The following UNC13C variants were observed in gnomAD, a reference collection of about 807,000 sequenced individuals.
UNC13C encodes protein unc-13 homolog C.
In UNC13C, 174 loss-of-function variants were observed where a neutral mutation model predicts 245.4. The ratio of observed to expected loss-of-function variants is 0.71; its 90% CI spans 0.63 to 0.80. UNC13C has a LOEUF of 0.80. UNC13C is among the 30% of genes least tolerant of loss of function. The probability of loss-of-function intolerance (pLI) is 0.00; values close to 1 mark genes in which losing one functional copy is unlikely to be tolerated. For missense variants in UNC13C, 2,829 were observed against 2,602.9 expected (o/e 1.09, Z -1.89); for synonymous variants, 992 against 895.1 (o/e 1.11, Z -1.93).
At chr15:54,511,304 T>C (rs1402830378) in intron 23 of UNC13C, among the ~76,000 whole-genome samples, 1 of 152,170 alleles carries the variant, frequency 6.6e-6, no homozygotes, top group Non-Finnish European at 1.5e-5. Flanking sequence ...ATGTGGTCTT[T>C]ACCTGCAGCC....
At chr15:54,381,869 A>G (rs2039732413) in intron 17 of UNC13C, among the ~76,000 whole-genome samples, 1 of 152,186 alleles carries the variant, frequency 6.6e-6, no homozygotes, top group African/African-American at 2.4e-5. Flanking sequence ...ATCAACAGAG[A>G]CATTGGACTT....
intron 30 of UNC13C, among the ~76,000 whole-genome samples, chr15:54,618,149 G>T (rs923985125): frequency 6.6e-6 from 1 of 152,110 alleles, no homozygotes; most frequent in Non-Finnish European, 1.5e-5. Flanking sequence ...CCAGTAAGGT[G>T]CTTATTAATC....
intron 14 of UNC13C, among the ~76,000 whole-genome samples, chr15:54,327,434 G>A (rs762428496): frequency 6.6e-6 from 1 of 151,014 alleles, no homozygotes; most frequent in Non-Finnish European, 1.5e-5. Flanking sequence ...TTTAATGGAC[G>A]CTTTAGAAGA....
chr15:54,231,555 A>T (rs910773133), intron 4 of UNC13C, among the ~76,000 whole-genome samples: 5 of 152,072 alleles, frequency 3.3e-5, no homozygotes, highest in African/African-American at 1.2e-4. Flanking sequence ...ACCTCATAAG[A>T]TTTAAAAAAA....
chr15:54,328,387 A>G (rs1472634956), intron 14 of UNC13C, among the ~76,000 whole-genome samples: 2 of 152,064 alleles, frequency 1.3e-5, no homozygotes, highest in African/African-American at 4.8e-5. Flanking sequence ...TATGATCTGG[A>G]AAAAAACTGT....
chr15:54,175,874 G>C (rs892591796), intron 4 of UNC13C, among the ~76,000 whole-genome samples: 1 of 152,092 alleles, frequency 6.6e-6, no homozygotes, highest in Non-Finnish European at 1.5e-5. Flanking sequence ...TATAAAACTG[G>C]TTATGAGGTT....
At chr15:54,216,525 G>A (rs16974314) in intron 4 of UNC13C, among the ~76,000 whole-genome samples, 5,801 of 151,966 alleles carry the variant, frequency 0.038, 366 homozygotes, top group African/African-American at 0.13. Context: ...CAGCCAGTGT[G>A]TTCCAGGCAC....
chr15:54,559,001 G>A (rs571279844), intron 29 of UNC13C, among the ~76,000 whole-genome samples: 2 of 152,030 alleles, frequency 1.3e-5, no homozygotes, highest in South Asian at 4.1e-4. Flanking sequence ...CTGAAAAAAT[G>A]CTGAATGATT....
At chr15:53,992,972 A>G (rs1595687982) in intron 1 of UNC13C, among the ~76,000 whole-genome samples, 1 of 152,062 alleles carries the variant, frequency 6.6e-6, no homozygotes. Context: ...ATCCCAGTCT[A>G]CTGCCAGTGA....
intron 4 of UNC13C, among the ~76,000 whole-genome samples, chr15:54,214,836 C>T (rs896588710): frequency 1.3e-5 from 2 of 151,812 alleles, no homozygotes; most frequent in Non-Finnish European, 2.9e-5. Context: ...TTAATGCACA[C>T]GATTTCATAT....
chr15:54,625,054 T>TTTGA (rs1439167058), intron 32 of UNC13C, among the ~76,000 whole-genome samples: 1 of 152,074 alleles, frequency 6.6e-6, no homozygotes. Flanking sequence ...TTCTTTTCAG[T>TTTGA]TTGATGTATA....
chr15:54,350,732 T>C (rs2038963988), intron 17 of UNC13C, among the ~76,000 whole-genome samples: 1 of 152,222 alleles, frequency 6.6e-6, no homozygotes, highest in South Asian at 2.1e-4. Context: ...TCTGAAATTG[T>C]GTCGTGTTAT....
At chr15:53,941,530 G>A in the UNC13C span, among the ~76,000 whole-genome samples, 47,691 of 151,932 alleles carry the variant, frequency 0.31, 7,629 homozygotes, top group Non-Finnish European at 0.33. Context: ...GAGAAAATTC[G>A]TGTAATCTAT....
intron 30 of UNC13C, among the ~76,000 whole-genome samples, chr15:54,590,215 G>A (rs1027950996): frequency 1.3e-5 from 2 of 152,188 alleles, no homozygotes; most frequent in African/African-American, 4.8e-5. Context: ...TTTAAAATCA[G>A]GAAGTGGGAT....
chr15:53,972,012 T>G, the UNC13C span, among the ~76,000 whole-genome samples: 2 of 152,240 alleles, frequency 1.3e-5, no homozygotes, highest in Non-Finnish European at 1.5e-5. Flanking sequence ...TTTAAATGAC[T>G]ATGGGTTCAT....
chr15:54,030,992 CA>C (rs1350082607), intron 2 of UNC13C, among the ~76,000 whole-genome samples: 1 of 151,934 alleles, frequency 6.6e-6, no homozygotes, highest in African/African-American at 2.4e-5. Context: ...CCTCTTTTTC[CA>C]GTCACACTCC....
chr15:53,899,527 T>C, the UNC13C span, among the ~76,000 whole-genome samples: 1 of 152,188 alleles, frequency 6.6e-6, no homozygotes, highest in African/African-American at 2.4e-5. Flanking sequence ...CTCACTCTTC[T>C]TATGCAAACT....
intron 2 of UNC13C, among the ~76,000 whole-genome samples, chr15:54,018,789 G>A (rs1895772028): frequency 6.6e-6 from 1 of 152,004 alleles, no homozygotes; most frequent in Non-Finnish European, 1.5e-5. Flanking sequence ...TTCTATTCCA[G>A]AATAGTCTAG....
At chr15:54,260,294 G>T (rs1341979500) in intron 8 of UNC13C, among the ~76,000 whole-genome samples, 2 of 151,960 alleles carry the variant, frequency 1.3e-5, no homozygotes, top group Non-Finnish European at 1.5e-5. Flanking sequence ...AATCAGGTTT[G>T]GGTTTTTTTG....
Sources: allele counts gnomAD v4.1 joint callset (sites outside exome capture counted in the v4.1 genomes callset), GRCh38; gene constraint gnomAD v4.1.1; transcripts MANE v1.5; gene names NCBI Gene and HGNC (gene_info 2026-07-23, HGNC 2026-07-21).